The following CMAS variants were observed in gnomAD, a reference collection of about 807,000 sequenced individuals.
The protein encoded by CMAS is N-acylneuraminate cytidylyltransferase.
In CMAS, 21 loss-of-function variants were observed where a neutral mutation model predicts 53.4. The ratio of observed to expected loss-of-function variants is 0.39; its 90% CI spans 0.28 to 0.57. CMAS has a LOEUF of 0.57. Among genes scored for constraint, CMAS ranks in the 20% least tolerant of loss-of-function variants. The pLI is 0.56. For synonymous variants in CMAS, 189 were observed against 195.2 expected (o/e 0.97, Z 0.27); for missense variants, 384 against 534.9 (o/e 0.72, Z 2.78).
chr12:22,061,262 C>T lies in CMAS; in HGVS notation c.789-19C>T. 1 of 1,587,916 alleles carries T rather than the reference C, an allele frequency of 6.3e-7. No homozygotes were observed. On this transcript the variant is annotated intron_variant, in intron 5 of 7. Coordinates refer to ENST00000229329, the MANE Select transcript of CMAS (RefSeq NM_018686.6). ...TAGTACTGCACTTGTACTCAAAGGT[C>T]TATTTTGGTTTCTTTTAGATATGGC...
At chr12:22,053,657 A>G (rs146531756) in intron 1 of CMAS, among the ~76,000 whole-genome samples, 3,797 of 150,668 alleles carry the variant, frequency 0.025, 159 homozygotes, top group African/African-American at 0.087. Flanking sequence ...AGACGGGCGG[A>G]TCACGAGGTC....
intron 1 of CMAS, among the ~76,000 whole-genome samples, chr12:22,049,493 A>G (rs1047146367): frequency 6.6e-6 from 1 of 152,210 alleles, no homozygotes; most frequent in Non-Finnish European, 1.5e-5. Context: ...TCTAGTATCA[A>G]CCTTTTCTGT....
chr12:22,060,543 C>T (rs914867876), intron 4 of CMAS: 1 of 265,904 alleles, frequency 3.8e-6, no homozygotes, highest in Non-Finnish European at 7.3e-6. Flanking sequence ...AGTACCAGAT[C>T]CTTAGGAGGC....
chr12:22,053,181 C>T (rs1307750313), intron 1 of CMAS, among the ~76,000 whole-genome samples: 1 of 151,906 alleles, frequency 6.6e-6, no homozygotes, highest in Admixed American at 6.6e-5. Flanking sequence ...ATCCCAGCTA[C>T]TCAGGAGCCT....
intron 2 of CMAS, 26 bp from the exon 3 acceptor site, chr12:22,055,427 TCC>T: frequency 6.4e-7 from 1 of 1,551,522 alleles, no homozygotes. Flanking sequence ...TTTTTAAATA[TCC>T]TTTTCATTTC....
At chr12:22,051,870 T>A (rs1042311166) in intron 1 of CMAS, among the ~76,000 whole-genome samples, 15 of 48,414 alleles carry the variant, frequency 3.1e-4, no homozygotes, top group African/African-American at 1.6e-3. Flanking sequence ...TTTGAATAGC[T>A]AACATTAAAT....
chr12:22,060,169 A>G (rs1950298618), intron 4 of CMAS, among the ~76,000 whole-genome samples: 1 of 151,942 alleles, frequency 6.6e-6, no homozygotes, highest in Non-Finnish European at 1.5e-5. Context: ...GGAGGATATG[A>G]TTAAGGGATT....
chr12:22,055,651 G>T, intron 3 of CMAS, 41 bp downstream of exon 3: 1 of 1,560,300 alleles, frequency 6.4e-7, no homozygotes, highest in African/African-American at 1.4e-5. Flanking sequence ...ATTTTATTGA[G>T]AATCAATTTT....
intron 1 of CMAS, among the ~76,000 whole-genome samples, chr12:22,048,995 A>T (rs979815375): frequency 6.6e-6 from 1 of 151,844 alleles, no homozygotes; most frequent in African/African-American, 2.4e-5. Flanking sequence ...TTCACATTGG[A>T]CTCTTTTCCC....
chr12:22,064,186 T>C (rs146400245), intron 7 of CMAS, among the ~76,000 whole-genome samples: 41 of 152,048 alleles, frequency 2.7e-4, no homozygotes, highest in African/African-American at 8.7e-4. Context: ...TCAACCAAGA[T>C]TGTACTATTG....
chr12:22,049,046 T>C (rs577889069), intron 1 of CMAS, among the ~76,000 whole-genome samples: 7 of 152,318 alleles, frequency 4.6e-5, no homozygotes, highest in East Asian at 1.9e-4. Context: ...CTTAACACTT[T>C]AGTCACCGAT....
At chr12:22,050,725 C>G (rs1452289352) in intron 1 of CMAS, among the ~76,000 whole-genome samples, 6 of 152,030 alleles carry the variant, frequency 3.9e-5, no homozygotes, top group African/African-American at 1.5e-4. Flanking sequence ...CATGACAATA[C>G]ATAAATGAAA....
At chr12:22,059,975 A>G (rs1486907331) in intron 4 of CMAS, among the ~76,000 whole-genome samples, 2 of 152,160 alleles carry the variant, frequency 1.3e-5, no homozygotes, top group Admixed American at 6.5e-5. Context: ...CTTTGCCTGC[A>G]TGTGACTTGG....
At chr12:22,047,656 G>A (rs1339798443) in intron 1 of CMAS, among the ~76,000 whole-genome samples, 2 of 152,176 alleles carry the variant, frequency 1.3e-5, no homozygotes, top group African/African-American at 4.8e-5. Flanking sequence ...CCACTCAGAA[G>A]ATAACACTAG....
chr12:22,055,027 A>G (rs1950259183), intron 1 of CMAS, 122 bp from the exon 2 acceptor site: 1 of 607,584 alleles, frequency 1.6e-6, no homozygotes. Flanking sequence ...CTGTAACATT[A>G]TTATCATTGT....
In CMAS at chr12:22,065,634, C is replaced by A; in HGVS notation, c.*323C>A. The stretch of plus-strand genomic sequence containing the variant: ...GGACAGTGTGTATGGTAAGACATGC[C>A]CTTCTATTAATAAAACTACATTTCT... On this transcript the variant is annotated 3_prime_UTR_variant, in exon 8 of 8. Transcript: ENST00000229329. 1 of 177,064 alleles carries A rather than the reference C, an allele frequency of 5.6e-6. No homozygotes were observed. Among genetic ancestry groups the A allele is most frequent in the Non-Finnish European group, 1.2e-5 (1 of 84,778 alleles). The allele number at this position is 177,064 out of a possible 1,614,324, so 11.0% of individuals were successfully genotyped here.
rs774804757 is a variant in CMAS, at chr12:22,046,426, G to A, written c.123G>A (p.Lys41=). The change falls in exon 1 of 8, where the codon AAG becomes AAA. Residue 41 remains lysine (K), a synonymous_variant. Coordinates refer to ENST00000229329, the MANE Select transcript of CMAS (RefSeq NM_018686.6). The part of the protein sequence containing the change: ...SRGGQGRGVE[K]PPHLAALILA... ...GCGGCCAGGGCCGAGGTGTGGAGAA[G>A]CCCCCGCACCTGGCAGCCCTAATTC... is the stretch of plus-strand genomic sequence containing the variant. The A allele has an allele frequency of 3.1e-6, 5 of 1,606,276 alleles. No homozygotes were observed. Among genetic ancestry groups the A allele is most frequent in the South Asian group, 2.2e-5 (2 of 89,216 alleles).
chr12:22,063,708 TATTA>T (rs1950324412), intron 7 of CMAS: 1 of 141,632 alleles, frequency 7.1e-6, no homozygotes, highest in African/African-American at 2.8e-5. Context: ...CACGAATACG[TATTA>T]CTTATATGAC....
chr12:22,055,074 A>G (rs1950259509), intron 1 of CMAS, 75 bp from the exon 2 acceptor site: 7 of 1,123,950 alleles, frequency 6.2e-6, no homozygotes, highest in Admixed American at 2.7e-5. Flanking sequence ...GCTGTATTTT[A>G]TGGTTACAGA....
Sources: gnomAD v4.1 joint callset for allele counts (sites outside exome capture counted in the v4.1 genomes callset) on GRCh38, gnomAD v4.1.1 for gene constraint, MANE v1.5 for transcripts, NCBI Gene and HGNC (gene_info 2026-07-23, HGNC 2026-07-21) for gene names.